The following ERG variants were observed in gnomAD, a reference collection of about 807,000 sequenced individuals.
ERG encodes the protein ETS transcription factor ERG.
ERG carries 9 observed loss-of-function variants against 55.3 expected under a neutral mutation model. The observed-to-expected ratio is 0.16, with a 90% CI of 0.10 to 0.28. The LOEUF (loss-of-function observed/expected upper bound fraction) is 0.28. Among genes scored for constraint, ERG ranks in the 10% least tolerant of loss-of-function variants. ERG has a pLI of 1.00. For synonymous variants in ERG, 223 were observed against 237.3 expected (o/e 0.94, Z 0.55); for missense variants, 434 against 631.6 (o/e 0.69, Z 3.35).
intron 3 of ERG, among the ~76,000 whole-genome samples, chr21:38,421,713 C>T (rs761781641): frequency 6.6e-6 from 1 of 152,184 alleles, no homozygotes; most frequent in East Asian, 1.9e-4. Flanking sequence ...GTGAGGTGTC[C>T]GTTCATCCAT....
the ERG span, among the ~76,000 whole-genome samples, chr21:38,373,481 C>G: frequency 6.6e-6 from 1 of 152,184 alleles, no homozygotes. Context: ...TGTAAATATA[C>G]AAACCAACTG....
upstream of ERG, among the ~76,000 whole-genome samples, chr21:38,588,790 A>C (rs1214414926): frequency 6.6e-6 from 1 of 152,050 alleles, no homozygotes; most frequent in African/African-American, 2.4e-5. Context: ...TCAATAGCTC[A>C]CTGCAGCCTG....
chr21:38,517,075 C>T (rs560941407), intron 2 of ERG, among the ~76,000 whole-genome samples: 1 of 152,078 alleles, frequency 6.6e-6, no homozygotes, highest in Admixed American at 6.6e-5. Flanking sequence ...ATGGCTAAGA[C>T]CTCAAAAGCA....
intron 1 of ERG, among the ~76,000 whole-genome samples, chr21:38,579,872 G>C (rs888122672): frequency 1.3e-5 from 2 of 151,312 alleles, no homozygotes; most frequent in African/African-American, 4.9e-5. Context: ...CCAGGCTGGA[G>C]TGCAGTGGTA....
chr21:38,398,435 G>A (rs960038112), intron 6 of ERG, among the ~76,000 whole-genome samples: 1 of 152,160 alleles, frequency 6.6e-6, no homozygotes, highest in African/African-American at 2.4e-5. Context: ...CATAATCACA[G>A]TAGCAGTGGT....
intron 1 of ERG, among the ~76,000 whole-genome samples, chr21:38,621,944 C>A (rs1440516991): frequency 2.6e-5 from 4 of 152,196 alleles, no homozygotes; most frequent in African/African-American, 9.7e-5. Flanking sequence ...TGCGAAGTTA[C>A]AGGAGACAGA....
intron 1 of ERG, among the ~76,000 whole-genome samples, chr21:38,661,265 T>G (rs62217518): frequency 0.39 from 59,223 of 151,900 alleles, 12,606 homozygotes; most frequent in Middle Eastern, 0.55. Flanking sequence ...TCCAGCCTCA[T>G]TGAAAACCGT....
upstream of ERG, among the ~76,000 whole-genome samples, chr21:38,501,210 C>T (rs983552952): frequency 3.3e-5 from 5 of 151,666 alleles, no homozygotes; most frequent in Admixed American, 1.3e-4. Context: ...GGACTGCAGG[C>T]GCCCGCCACC....
chr21:38,602,834 C>T (rs1033140623), intron 1 of ERG, among the ~76,000 whole-genome samples: 16 of 151,878 alleles, frequency 1.1e-4, no homozygotes, highest in Non-Finnish European at 1.9e-4. Context: ...ACTCCTAGAA[C>T]GCCAAGAGCT....
chr21:38,493,125 T>C (rs1215116685), intron 1 of ERG, among the ~76,000 whole-genome samples: 1 of 152,208 alleles, frequency 6.6e-6, no homozygotes. Flanking sequence ...AAAAAATATA[T>C]ATACCCATTG....
intron 1 of ERG, among the ~76,000 whole-genome samples, chr21:38,595,284 A>AGGATGGC (rs2060124354): frequency 6.6e-6 from 1 of 152,228 alleles, no homozygotes; most frequent in Admixed American, 6.5e-5. Flanking sequence ...GGCCAGTTCC[A>AGGATGGC]GGATGGCTGC....
At chr21:38,640,147 CAATTGAAAATCATTG>C (rs2060414954) in intron 1 of ERG, among the ~76,000 whole-genome samples, 1 of 151,970 alleles carries the variant, frequency 6.6e-6, no homozygotes, top group African/African-American at 2.4e-5. Context: ...AATGAAAAAT[CAATTGAAAATCATTG>C]AAAATCAATG....
Position 38,596,056 on chromosome 21 carries a change from T to TGG in ERG, c.-149-11113_-149-11112dup, listed in dbSNP as rs34886564. Among the ~76,000 whole-genome samples the TGG allele has an allele frequency of 8.4e-3, 857 of 101,974 alleles. 17 individuals carry two copies. Among genetic ancestry groups the TGG allele is most frequent in the African/African-American group, 0.03 (812 of 26,672 alleles). 66.9% of individuals were successfully genotyped at this position (101,974 alleles called of 152,430 possible). On this transcript the variant is annotated intron_variant, in intron 1 of 10. Transcript: ENST00000398910. ...CTCTATATAAAAATTGGTGTGGGATTGGGGGGGGGGGGTCTCTTTTTATAA... is the reference window on the plus strand; with the variant it reads ...CTCTATATAAAAATTGGTGTGGGATTGGGGGGGGGGGGGGTCTCTTTTTATAA...
chr21:38,457,064 C>A (rs751390412), intron 1 of ERG, among the ~76,000 whole-genome samples: 37 of 152,346 alleles, frequency 2.4e-4, no homozygotes, highest in Admixed American at 9.1e-4. Context: ...CCAACAATTT[C>A]AAACTACACA....
intron 1 of ERG, among the ~76,000 whole-genome samples, chr21:38,607,177 C>T (rs1014630418): frequency 2.0e-5 from 3 of 152,128 alleles, no homozygotes; most frequent in Non-Finnish European, 2.9e-5. Flanking sequence ...ACCTAAAATT[C>T]TACGTCAGGC....
intron 2 of ERG, among the ~76,000 whole-genome samples, chr21:38,549,554 AT>A (rs2059810613): frequency 6.6e-6 from 1 of 152,308 alleles, no homozygotes; most frequent in South Asian, 2.1e-4. Context: ...GGGGTTTATT[AT>A]TTGTTTTGCA....
At chr21:38,609,470 A>G (rs1204050858) in intron 1 of ERG, among the ~76,000 whole-genome samples, 2 of 152,234 alleles carry the variant, frequency 1.3e-5, no homozygotes, top group Non-Finnish European at 1.5e-5. Flanking sequence ...AAAAAGACTT[A>G]AACTTAAAAA....
At chr21:38,654,729 C>G (rs2060508662) in intron 1 of ERG, among the ~76,000 whole-genome samples, 1 of 152,130 alleles carries the variant, frequency 6.6e-6, no homozygotes, top group Admixed American at 6.5e-5. Flanking sequence ...AAGTACTTTT[C>G]AATACTGAAG....
upstream of ERG, among the ~76,000 whole-genome samples, chr21:38,501,232 A>AT (rs1215201824): frequency 9.9e-5 from 15 of 150,992 alleles, no homozygotes; most frequent in East Asian, 7.8e-4. Context: ...CACCTGGCTA[A>AT]TTTTTTTTGT....
Sources: allele counts gnomAD v4.1 joint callset (sites outside exome capture counted in the v4.1 genomes callset), GRCh38; gene constraint gnomAD v4.1.1; transcripts MANE v1.5; gene names NCBI Gene and HGNC (gene_info 2026-07-23, HGNC 2026-07-21).